R3HCC1L: variants seen among roughly 807,000 people sequenced by gnomAD.
R3HCC1L encodes coiled-coil domain-containing protein R3HCC1L.
R3HCC1L carries 51 observed loss-of-function variants against 59.9 expected under a neutral mutation model. The observed-to-expected ratio is 0.85, with a 90% CI of 0.68 to 1.07. The LOEUF (loss-of-function observed/expected upper bound fraction) is 1.07, where lower values mean the gene tolerates loss of function less well. R3HCC1L is among the 50% of genes least tolerant of loss of function. The pLI is 0.00. For synonymous variants in R3HCC1L, 322 were observed against 315.2 expected, an observed-to-expected ratio of 1.02 and a Z score of -0.23; for missense variants, 965 against 933.0, an observed-to-expected ratio of 1.03 and a Z score of -0.45.
chr10:98,146,220 C>A (rs568561569), intron 1 of R3HCC1L, among the ~76,000 whole-genome samples: 1 of 152,146 alleles, frequency 6.6e-6, no homozygotes, highest in South Asian at 2.1e-4. Flanking sequence ...GCATACTATA[C>A]AATTCACCCA....
intron 5 of R3HCC1L, among the ~76,000 whole-genome samples, chr10:98,227,477 G>C (rs192747475): frequency 7.8e-4 from 118 of 152,028 alleles, no homozygotes; most frequent in African/African-American, 2.7e-3. Flanking sequence ...ACCAGAGAAA[G>C]CTTGAAGGGA....
At chr10:98,238,394 A>C (rs754941459) in intron 9 of R3HCC1L, among the ~76,000 whole-genome samples, 1 of 152,136 alleles carries the variant, frequency 6.6e-6, no homozygotes, top group Admixed American at 6.6e-5. Context: ...AGGGAAGAAA[A>C]TATGTTCCTC....
chr10:98,234,804 A>G (rs1040892028), intron 7 of R3HCC1L, among the ~76,000 whole-genome samples: 23 of 152,190 alleles, frequency 1.5e-4, no homozygotes, highest in African/African-American at 5.3e-4. Flanking sequence ...GAAGAATCCA[A>G]TGGGGCTCTT....
At chr10:98,181,020 CTT>C (rs1052508355) in intron 4 of R3HCC1L, among the ~76,000 whole-genome samples, 6 of 152,124 alleles carry the variant, frequency 3.9e-5, no homozygotes, top group African/African-American at 1.2e-4. Context: ...CAGTCTGTGT[CTT>C]TTAATTGGAG....
chr10:98,183,110 G>A (rs528951687), intron 4 of R3HCC1L, among the ~76,000 whole-genome samples: 5 of 152,230 alleles, frequency 3.3e-5, no homozygotes, highest in South Asian at 2.1e-4. Flanking sequence ...GAAATTACCC[G>A]TTTTCTGTGT....
At chr10:98,170,797 T>G (rs1192655333) in intron 4 of R3HCC1L, among the ~76,000 whole-genome samples, 1 of 152,220 alleles carries the variant, frequency 6.6e-6, no homozygotes, top group Non-Finnish European at 1.5e-5. Flanking sequence ...CTCTGTTCAT[T>G]TAGGTTAAGT....
intron 4 of R3HCC1L, among the ~76,000 whole-genome samples, chr10:98,173,637 A>ACAG (rs1848726598): frequency 6.6e-6 from 1 of 152,114 alleles, no homozygotes; most frequent in South Asian, 2.1e-4. Flanking sequence ...GATTTACCTG[A>ACAG]CAGCGGGCTG....
chr10:98,148,009 T>A (rs1310382054), intron 1 of R3HCC1L, among the ~76,000 whole-genome samples: 1 of 152,206 alleles, frequency 6.6e-6, no homozygotes, highest in Non-Finnish European at 1.5e-5. Context: ...AGTATTGTCA[T>A]TTTAACTGTG....
intron 4 of R3HCC1L, among the ~76,000 whole-genome samples, chr10:98,185,530 G>A (rs983988985): frequency 5.3e-5 from 8 of 152,170 alleles, no homozygotes; most frequent in African/African-American, 7.2e-5. Flanking sequence ...AGGCTGTAGG[G>A]AAGTAGAGTA....
Position 98,211,352 on chromosome 10 carries a change from A to G in R3HCC1L, c.1785+1453A>G, listed in dbSNP as rs1157561442. 5 of 1,533,082 alleles carry G rather than the reference A, an allele frequency of 3.3e-6. No homozygotes were observed. The East Asian group carries it at 9.8e-5, about 30-fold the overall frequency. The allele number at this position is 1,533,082 out of a possible 1,614,324, so 95.0% of individuals were successfully genotyped here. A position where few individuals can be genotyped will look rare whatever the true frequency, so the allele number is the denominator to read the frequency against. Reference sequence around the variant, plus strand: ...GCCCGAGAACCACTGCTCAAAGGTAATACACTTAAATCTATATCAGAATGT... The same window carrying G: ...GCCCGAGAACCACTGCTCAAAGGTAGTACACTTAAATCTATATCAGAATGT... On this transcript the variant is annotated intron_variant, in intron 5 of 9. Coordinates refer to ENST00000298999, the MANE Select transcript of R3HCC1L (RefSeq NM_001351015.2).
At chr10:98,167,688 G>T (rs1848095309) in intron 4 of R3HCC1L, among the ~76,000 whole-genome samples, 2 of 152,164 alleles carry the variant, frequency 1.3e-5, no homozygotes, top group Non-Finnish European at 2.9e-5. Flanking sequence ...TAGATGCAGG[G>T]ACTTTGAAAT....
At chr10:98,152,749 C>T (rs1365338884) in intron 1 of R3HCC1L, among the ~76,000 whole-genome samples, 1 of 146,752 alleles carries the variant, frequency 6.8e-6, no homozygotes, top group Non-Finnish European at 1.5e-5. Flanking sequence ...AGCCCCTCCG[C>T]CTGGCAGCCG....
chr10:98,171,750 TC>T (rs113772144), intron 4 of R3HCC1L, among the ~76,000 whole-genome samples: 55 of 152,326 alleles, frequency 3.6e-4, no homozygotes, highest in African/African-American at 1.3e-3. Flanking sequence ...ATCCATTTCT[TC>T]CAGCCACACC....
At chr10:98,217,309 C>T (rs1009894902) in intron 5 of R3HCC1L, among the ~76,000 whole-genome samples, 3 of 152,106 alleles carry the variant, frequency 2.0e-5, no homozygotes, top group East Asian at 1.9e-4. Context: ...GTGCCTTTGT[C>T]GAAAATCAGT....
chr10:98,152,328 C>T (rs1846266526), intron 1 of R3HCC1L, among the ~76,000 whole-genome samples: 1 of 152,058 alleles, frequency 6.6e-6, no homozygotes, highest in African/African-American at 2.4e-5. Flanking sequence ...AGCCGCCTGC[C>T]TTGGCCTCCC....
Position 98,231,661 on chromosome 10 carries a change from C to T in R3HCC1L, c.1935C>T (p.Asp645=), listed in dbSNP as rs987807940. The T allele has an allele frequency of 7.4e-6, 12 of 1,611,308 alleles. No individual in the cohort carries two copies. The East Asian group carries it at 2.5e-4, about 33-fold the overall frequency. ...TTCCCCAAGAATTTCATACTGAAGA[C>T]CTTCTACGGGTTTTCTGCAGTTATC... ...YDFPQEFHTE[D]LLRVFCSYQK... The change falls in exon 6 of 10, where the codon GAC becomes GAT. Residue 645 remains aspartate, a synonymous_variant. Transcript: ENST00000298999.
At chr10:98,150,688 C>G (rs958060022) in intron 1 of R3HCC1L, among the ~76,000 whole-genome samples, 2 of 152,060 alleles carry the variant, frequency 1.3e-5, no homozygotes, top group African/African-American at 4.8e-5. Context: ...TGGGTTCATG[C>G]CCAGGTGACT....
chr10:98,230,235 A>G (rs1327883786), intron 5 of R3HCC1L, among the ~76,000 whole-genome samples: 1 of 152,168 alleles, frequency 6.6e-6, no homozygotes, highest in African/African-American at 2.4e-5. Context: ...TTGGTAAGCT[A>G]TTAATTATTG....
At chr10:98,183,736 AG>A (rs1314906902) in intron 4 of R3HCC1L, among the ~76,000 whole-genome samples, 1 of 152,060 alleles carries the variant, frequency 6.6e-6, no homozygotes, top group Non-Finnish European at 1.5e-5. Flanking sequence ...GGTTGTTGAA[AG>A]CTTTCATCTC....
Sources: allele counts gnomAD v4.1 joint callset (sites outside exome capture counted in the v4.1 genomes callset), GRCh38; gene constraint gnomAD v4.1.1; transcripts MANE v1.5; gene names NCBI Gene and HGNC (gene_info 2026-07-23, HGNC 2026-07-21).